PCDHGA3: variants seen among roughly 807,000 people sequenced by gnomAD.
PCDHGA3 encodes protocadherin gamma subfamily A, 3.
A neutral mutation model predicts 58.5 loss-of-function variants in PCDHGA3; 40 were observed. The observed-to-expected ratio is 0.68, with a 90% CI of 0.53 to 0.89. The LOEUF (loss-of-function observed/expected upper bound fraction) is 0.89, where lower values mean the gene tolerates loss of function less well. Ranked by LOEUF, PCDHGA3 falls within the 40% of genes least tolerant of loss-of-function variation. The pLI is 0.00. For missense variants in PCDHGA3, 1,223 were observed against 1,195.9 expected (o/e 1.02, Z -0.33); for synonymous variants, 530 against 525.7 (o/e 1.01, Z -0.11).
intron 1 of PCDHGA3, among the ~76,000 whole-genome samples, chr5:141,437,415 G>A: frequency 6.6e-6 from 1 of 152,162 alleles, no homozygotes; most frequent in Non-Finnish European, 1.5e-5. Context: ...GAAGTATTAT[G>A]CTTTTTGAAG....
intron 1 of PCDHGA3, chr5:141,355,879 A>G: frequency 6.2e-7 from 1 of 1,613,334 alleles, no homozygotes; most frequent in Non-Finnish European, 8.5e-7. Context: ...TGGCACTGCC[A>G]GGATTCTCAT....
chr5:141,479,733 A>G (rs2099504879), intron 1 of PCDHGA3: 1 of 152,254 alleles, frequency 6.6e-6, no homozygotes, highest in Admixed American at 6.5e-5. Context: ...TTTCTTAAGT[A>G]TATGCACAAT....
chr5:141,485,882 G>C lies in PCDHGA3; in HGVS notation c.2425-8925G>C. 6.2e-7 allele frequency: 1 copy of C among 1,614,146 alleles called. No homozygotes were observed. On this transcript the variant is annotated intron_variant, in intron 1 of 3. Transcript: ENST00000253812. The surrounding 1 kb of genome is among the most constrained non-coding windows in gnomAD (Gnocchi z 5.7). ...CCGGGTATCCGTGCTGGACGTAAACGACAACGCCCCAGCCTTCCAGCAATC... is the reference window on the plus strand; with the variant it reads ...CCGGGTATCCGTGCTGGACGTAAACCACAACGCCCCAGCCTTCCAGCAATC...
chr5:141,375,069 A>G (rs746129890), intron 1 of PCDHGA3: 4 of 1,614,040 alleles, frequency 2.5e-6, no homozygotes, highest in South Asian at 2.2e-5. Context: ...GGTCTTCGAG[A>G]CAGAGCGAAA....
Position 141,487,176 on chromosome 5 carries a change from A to G in PCDHGA3, c.2425-7631A>G. On this transcript the variant is annotated intron_variant, in intron 1 of 3. Coordinates refer to ENST00000253812, the MANE Select transcript of PCDHGA3 (RefSeq NM_018916.4). The surrounding 1 kb of genome is among the most constrained non-coding windows in gnomAD (Gnocchi z 5.0). ...ACTCTCTTAGTGTCCTTAGAGGAAGACACTCATCCAGTTGTCCCAGATCTT... is the reference window on the plus strand; with the variant it reads ...ACTCTCTTAGTGTCCTTAGAGGAAGGCACTCATCCAGTTGTCCCAGATCTT... 1 of 1,613,774 alleles carries G rather than the reference A, an allele frequency of 6.2e-7. No homozygotes were observed. The highest frequency in any genetic ancestry group is 8.5e-7 in the Non-Finnish European group (1 of 1,179,664).
At position 141,490,289 on chromosome 5, in the gene PCDHGA3, T is replaced by C; in HGVS notation, c.2425-4518T>C. ...GATGTCAATGACAATGCCCCAGAGG[T>C]GCTATTGGCCTCTTTGGCCAACCCT... On this transcript the variant is annotated intron_variant, in intron 1 of 3. Transcript: ENST00000253812. This position sits in a 1 kb window ranked among gnomAD's most constrained non-coding sequence, Gnocchi z 5.4. The C allele has an allele frequency of 1.2e-6, 2 of 1,614,096 alleles. No homozygotes were observed. The highest frequency in any genetic ancestry group is 1.7e-6 in the Non-Finnish European group (2 of 1,180,016).
chr5:141,386,921 A>G (rs2090747482), intron 1 of PCDHGA3, among the ~76,000 whole-genome samples: 1 of 152,228 alleles, frequency 6.6e-6, no homozygotes. Flanking sequence ...GGAATGTAAA[A>G]TAAGTGCAGA....
intron 1 of PCDHGA3, chr5:141,414,596 C>T: frequency 6.2e-7 from 1 of 1,613,962 alleles, no homozygotes; most frequent in Non-Finnish European, 8.5e-7. Context: ...AGGGGTGCCT[C>T]CATCTTCTCA....
chr5:141,393,927 C>T, intron 1 of PCDHGA3: 2 of 1,613,970 alleles, frequency 1.2e-6, no homozygotes, highest in South Asian at 1.1e-5. Context: ...CTTGAGTGTG[C>T]ATGACCAAGA....
At chr5:141,405,251 C>T (rs1462013657) in intron 1 of PCDHGA3, 1 of 1,614,124 alleles carries the variant, frequency 6.2e-7, no homozygotes, top group Admixed American at 1.7e-5. Context: ...AAGGAAGAGT[C>T]ACCTGATCTT....
chr5:141,372,253 G>A (rs1768545048), intron 1 of PCDHGA3: 2 of 1,613,040 alleles, frequency 1.2e-6, no homozygotes, highest in African/African-American at 2.7e-5. Flanking sequence ...TTCAGCCTGG[G>A]CCTGCGCACG....
chr5:141,383,987 G>A (rs773186043), intron 1 of PCDHGA3: 70 of 1,613,612 alleles, frequency 4.3e-5, no homozygotes, highest in Admixed American at 3.3e-5. Context: ...ACACCTCTTG[G>A]GACAGTCATT....
rs1012790217 is a variant in PCDHGA3 at position 141,432,087 on chromosome 5, C to T, written c.2425-62720C>T. On this transcript the variant is annotated intron_variant, in intron 1 of 3. Coordinates refer to ENST00000253812, the MANE Select transcript of PCDHGA3 (RefSeq NM_018916.4). This position sits in a 1 kb window ranked among gnomAD's most constrained non-coding sequence, Gnocchi z 6.0. ...GAAACTCATATCTCGCTGAACGTGG[C>T]AGACACCAACGACAACCCGCCGGTC... is the stretch of plus-strand genomic sequence containing the variant. The T allele has an allele frequency of 2.5e-6, 4 of 1,614,060 alleles. No homozygotes were observed. The African/African-American group carries it at 4.0e-5, about 16-fold the overall frequency.
chr5:141,416,478 C>T (rs1186938693), intron 1 of PCDHGA3: 4 of 151,994 alleles, frequency 2.6e-5, no homozygotes, highest in Non-Finnish European at 4.4e-5. Context: ...TACATGTTCC[C>T]GAGAACAGGA....
At position 141,399,438 on chromosome 5, in the gene PCDHGA3, T is replaced by G; in HGVS notation, c.2424+52981T>G. 3 of 1,613,996 alleles carry G rather than the reference T, an allele frequency of 1.9e-6. No individual in the cohort carries two copies. The South Asian group carries it at 3.3e-5, about 18-fold the overall frequency. On this transcript the variant is annotated intron_variant, in intron 1 of 3. Transcript: ENST00000253812. The stretch of plus-strand genomic sequence containing the variant: ...CCTCCAGCATAAGCGTCATCCTACA[T>G]ATCAGAGACGTCAACGATAACGCTC...
intron 1 of PCDHGA3, chr5:141,376,190 G>T: frequency 6.2e-7 from 1 of 1,614,116 alleles, no homozygotes; most frequent in African/African-American, 1.3e-5. Flanking sequence ...GGTCTCCTGC[G>T]TCTTCCTGGC....
intron 1 of PCDHGA3, chr5:141,398,744 G>C (rs1561665852): frequency 1.2e-6 from 2 of 1,613,854 alleles, no homozygotes; most frequent in East Asian, 4.5e-5. Flanking sequence ...GAACAACAGA[G>C]TTACCATCGT....
chr5:141,344,038 C>T lies in PCDHGA3; in HGVS notation c.5C>T (p.Thr2Ile), dbSNP rs1757352434. The change falls in exon 1 of 4, where the codon ACC (threonine) becomes ATC (isoleucine). Residue 2 changes from threonine (T) to isoleucine (I), a missense_variant. Around this residue, in one of 3 missense-constraint regions of PCDHGA3, gnomAD observed 791 missense variants for 708.5 expected, o/e 1.12. Coordinates refer to ENST00000253812, the MANE Select transcript of PCDHGA3 (RefSeq NM_018916.4). ...AAGCGATTCACCGAAAAGGAAATGACCAATTGCCTGAGTTTCCGAAATGGC... is the reference window on the plus strand; with the variant it reads ...AAGCGATTCACCGAAAAGGAAATGATCAATTGCCTGAGTTTCCGAAATGGC... M[T>I]NCLSFRNGRG... 3.9e-6 allele frequency: 6 copies of T among 1,549,962 alleles called. No individual in the cohort carries two copies. In the East Asian group the frequency reaches 1.4e-4, roughly 35 times the overall value.
Position 141,345,366 on chromosome 5 carries a change from A to G in PCDHGA3, c.1333A>G (p.Ile445Val), listed in dbSNP as rs771633069. The G allele has an allele frequency of 4.3e-6, 7 of 1,614,130 alleles. No individual in the cohort carries two copies. The East Asian group carries it at 1.6e-4, about 36-fold the overall frequency. Residue 445 changes from isoleucine to valine, a missense_variant, in exon 1 of 4, where the codon ATC becomes GTC. This residue lies in a region of PCDHGA3 where 791 missense variants were observed against 708.5 expected (regional missense o/e 1.12). Transcript: ENST00000253812. ...ETHITLHVID[I>V]NDNPPTFPHL... ...TCACATCACCCTGCATGTGATTGAC[A>G]TCAATGACAACCCACCCACCTTCCC...
Sources: gnomAD v4.1 joint callset for allele counts (sites outside exome capture counted in the v4.1 genomes callset) on GRCh38, gnomAD v4.1.1 for gene constraint, gnomAD v4.1.1 regional missense constraint, Gnocchi (gnomAD v3.1) non-coding constraint, MANE v1.5 for transcripts, NCBI Gene and HGNC (gene_info 2026-07-23, HGNC 2026-07-21) for gene names.